VEPH1: variants seen among roughly 807,000 people sequenced by gnomAD.
The protein encoded by VEPH1 is ventricular zone expressed PH domain containing 1, also known as ventricular zone-expressed PH domain-containing protein homolog 1.
In VEPH1, 80 loss-of-function variants were observed where a neutral mutation model predicts 85.2. That is an observed-to-expected ratio of 0.94 (90% CI 0.78 to 1.13). The LOEUF (loss-of-function observed/expected upper bound fraction) is 1.13. Ranked by LOEUF, VEPH1 falls within the 50% of genes most tolerant of loss-of-function variation. VEPH1 has a pLI of 0.00. For synonymous variants in VEPH1, 297 were observed against 348.0 expected (o/e 0.85, Z 1.63); for missense variants, 955 against 980.5 (o/e 0.97, Z 0.35).
intron 4 of VEPH1, among the ~76,000 whole-genome samples, chr3:157,446,292 C>A (rs1295702126): frequency 6.6e-6 from 1 of 152,062 alleles, no homozygotes; most frequent in African/African-American, 2.4e-5. Flanking sequence ...TCCTGGGAAG[C>A]CCTCAGTCCC....
intron 6 of VEPH1, among the ~76,000 whole-genome samples, chr3:157,395,089 C>T (rs531451033): frequency 3.3e-5 from 5 of 152,260 alleles, no homozygotes; most frequent in South Asian, 4.1e-4. Context: ...GCCATGATCA[C>T]GAATGCATTG....
At chr3:157,300,282 C>T (rs1257836204) in intron 11 of VEPH1, among the ~76,000 whole-genome samples, 2 of 152,156 alleles carry the variant, frequency 1.3e-5, no homozygotes, top group African/African-American at 2.4e-5. Flanking sequence ...GATTGCATAC[C>T]TCTGTTCCCC....
At chr3:157,282,155 A>T (rs1220852623) in intron 12 of VEPH1, among the ~76,000 whole-genome samples, 1 of 152,156 alleles carries the variant, frequency 6.6e-6, no homozygotes, top group East Asian at 1.9e-4. Context: ...TAATATAATA[A>T]ATAGCACATT....
intron 11 of VEPH1, among the ~76,000 whole-genome samples, chr3:157,289,873 G>C (rs147802553): frequency 2.5e-3 from 384 of 152,282 alleles, no homozygotes; most frequent in Admixed American, 5.1e-3. Context: ...TAATGGGATT[G>C]TGGCAGACAG....
rs769333715 is a variant in VEPH1 at position 157,437,653 on chromosome 3, G to A, written c.530-9165C>T. On this transcript the variant is annotated intron_variant, in intron 4 of 13. Transcript: ENST00000362010. ...GGGCGAGCTGCAGAGGCTGCGGGAG[G>A]AGCTGGGCCGGCTCGCGGAAAGCCT... 70 of 1,544,722 alleles carry A rather than the reference G, an allele frequency of 4.5e-5. No homozygotes were observed. Among genetic ancestry groups the A allele is most frequent in the Non-Finnish European group, 5.2e-6 (6 of 1,147,774 alleles).
chr3:157,405,733 C>T (rs547616705), intron 6 of VEPH1, among the ~76,000 whole-genome samples: 1 of 152,326 alleles, frequency 6.6e-6, no homozygotes, highest in East Asian at 1.9e-4. Context: ...CTAAAACTCC[C>T]CCACATGGGG....
chr3:157,456,133 G>T (rs908975791), intron 4 of VEPH1, among the ~76,000 whole-genome samples: 1 of 152,040 alleles, frequency 6.6e-6, no homozygotes, highest in Non-Finnish European at 1.5e-5. Context: ...CAGTAATGTT[G>T]AGTTTTTTTC....
chr3:157,262,221 C>T (rs1000561627), intron 13 of VEPH1, among the ~76,000 whole-genome samples: 1 of 152,134 alleles, frequency 6.6e-6, no homozygotes, highest in African/African-American at 2.4e-5. Context: ...GCAATTCCAA[C>T]TATTGACATC....
At chr3:157,444,246 A>T (rs961662767) in intron 4 of VEPH1, among the ~76,000 whole-genome samples, 2 of 152,194 alleles carry the variant, frequency 1.3e-5, no homozygotes, top group Admixed American at 6.5e-5. Context: ...CAACCACAGG[A>T]CATTTCCTCT....
At chr3:157,489,632 A>C (rs1739027834) in intron 2 of VEPH1, among the ~76,000 whole-genome samples, 1 of 151,964 alleles carries the variant, frequency 6.6e-6, no homozygotes, top group Non-Finnish European at 1.5e-5. Context: ...CTTACTTATA[A>C]TCTTCTAATA....
chr3:157,320,748 T>C (rs937388798), intron 9 of VEPH1, among the ~76,000 whole-genome samples: 5 of 152,174 alleles, frequency 3.3e-5, no homozygotes, highest in African/African-American at 1.2e-4. Flanking sequence ...TAATGTGTTA[T>C]GTGTTAAAAT....
chr3:157,481,466 A>ACACACACACACACACACACACAC (rs60332684), intron 2 of VEPH1, among the ~76,000 whole-genome samples: 9 of 48,240 alleles, frequency 1.9e-4, no homozygotes, highest in African/African-American at 9.7e-4. Flanking sequence ...ACACACACAC[A>ACACACACACACACACACACACAC]AAAAAAAAAA....
chr3:157,444,289 T>C (rs1453740260), intron 4 of VEPH1, among the ~76,000 whole-genome samples: 8 of 152,224 alleles, frequency 5.3e-5, no homozygotes, highest in African/African-American at 1.9e-4. Context: ...CCAGGAGTAA[T>C]TTTGTAACTA....
At chr3:157,384,946 C>G (rs746944200) in intron 6 of VEPH1, among the ~76,000 whole-genome samples, 1 of 152,098 alleles carries the variant, frequency 6.6e-6, no homozygotes, top group African/African-American at 2.4e-5. Context: ...TGGGTCTGAC[C>G]TTATCCCTGC....
At chr3:157,363,043 G>A (rs1287383236) in intron 9 of VEPH1, among the ~76,000 whole-genome samples, 1 of 152,070 alleles carries the variant, frequency 6.6e-6, no homozygotes, top group Non-Finnish European at 1.5e-5. Context: ...CCCAGAGCCG[G>A]CTTCAGGGTC....
intron 12 of VEPH1, among the ~76,000 whole-genome samples, chr3:157,270,717 A>G (rs1333831058): frequency 6.6e-6 from 1 of 152,190 alleles, no homozygotes; most frequent in Non-Finnish European, 1.5e-5. Flanking sequence ...ATTTTCGAGC[A>G]CAGATAAGCT....
intron 11 of VEPH1, among the ~76,000 whole-genome samples, chr3:157,288,969 A>G (rs1260927452): frequency 6.6e-6 from 1 of 152,236 alleles, no homozygotes; most frequent in Non-Finnish European, 1.5e-5. Flanking sequence ...GACAAAAATG[A>G]TTTTGAATAT....
intron 10 of VEPH1, among the ~76,000 whole-genome samples, chr3:157,315,192 A>T (rs544752107): frequency 7.0e-4 from 107 of 152,182 alleles, no homozygotes; most frequent in African/African-American, 2.6e-3. Flanking sequence ...CTATTTAGTG[A>T]ATGAAGATTA....
At chr3:157,334,522 T>G (rs1175230321) in intron 9 of VEPH1, among the ~76,000 whole-genome samples, 1 of 152,192 alleles carries the variant, frequency 6.6e-6, no homozygotes, top group East Asian at 1.9e-4. Flanking sequence ...AAGGTTGATT[T>G]CATTTGTTAT....
Sources: gnomAD v4.1 joint callset for allele counts (sites outside exome capture counted in the v4.1 genomes callset) on GRCh38, gnomAD v4.1.1 for gene constraint, MANE v1.5 for transcripts, NCBI Gene and HGNC (gene_info 2026-07-23, HGNC 2026-07-21) for gene names.